Variants in TAPT1 observed in about 807,000 individuals in gnomAD.
TAPT1 encodes transmembrane anterior posterior transformation 1.
A neutral mutation model predicts 65.6 loss-of-function variants in TAPT1; 28 were observed. That is an observed-to-expected ratio of 0.43 (90% CI 0.32 to 0.59). The LOEUF is 0.59. Among genes scored for constraint, TAPT1 ranks in the 20% least tolerant of loss-of-function variants. TAPT1 has a pLI of 0.09. For synonymous variants in TAPT1, 278 were observed against 245.2 expected, an observed-to-expected ratio of 1.13 and a Z score of -1.25; for missense variants, 563 against 679.9, an observed-to-expected ratio of 0.83 and a Z score of 1.91.
chr4:16,175,096 G>T, intron 9 of TAPT1: 1 of 154,112 alleles, frequency 6.5e-6, no homozygotes, highest in Non-Finnish European at 1.4e-5. Context: ...ATTACTGTTT[G>T]TCTAACCATA....
chr4:16,226,066 A>C (rs1258703505), intron 1 of TAPT1, 193 bp downstream of exon 1: 4 of 1,014,030 alleles, frequency 3.9e-6, no homozygotes, highest in Non-Finnish European at 4.7e-6. Context: ...TGCGCGCGCA[A>C]CCCGCCCGAG....
chr4:16,161,918 AAC>A lies in TAPT1; in HGVS notation c.*1388_*1389del, dbSNP rs1747273093. 5 of 152,356 alleles carry A rather than the reference AAC, an allele frequency of 3.3e-5. No homozygotes were observed. The South Asian group carries it at 1.0e-3, about 32-fold the overall frequency. 9.4% of individuals were successfully genotyped at this position (152,356 alleles called of 1,614,324 possible). A position where few individuals can be genotyped will look rare whatever the true frequency, so the allele number is the denominator to read the frequency against. ...TCAAAATCAAAACATCAAAGGAAAT[AAC>A]AGTTAACAGTACCATCTTCTGGACA... On this transcript the variant is annotated 3_prime_UTR_variant, in exon 14 of 14. Transcript: ENST00000405303.
rs56086979 is a variant in TAPT1 at position 16,179,802 on chromosome 4, ATGTG to A, written c.917-149_917-146del. ...AATATACAACTTTATATATATATATATGTGTGTGTGTGTGTGTGTGTGTGTATAT... is the reference window on the plus strand; with the variant it reads ...AATATACAACTTTATATATATATATATGTGTGTGTGTGTGTGTGTGTATAT... On this transcript the variant is annotated intron_variant, in intron 7 of 13. Coordinates refer to ENST00000405303, the MANE Select transcript of TAPT1 (RefSeq NM_153365.3). The A allele has an allele frequency of 0.11, 32,541 of 308,268 alleles. 1,837 individuals carry two copies. The highest frequency in any genetic ancestry group is 0.2 in the African/African-American group (8,742 of 43,654). The allele number at this position is 308,268 out of a possible 1,614,324, so 19.1% of individuals were successfully genotyped here. A position where few individuals can be genotyped will look rare whatever the true frequency, so the allele number is the denominator to read the frequency against.
At chr4:16,192,956 T>C (rs1168221081) in intron 3 of TAPT1, among the ~76,000 whole-genome samples, 1 of 152,226 alleles carries the variant, frequency 6.6e-6, no homozygotes, top group Non-Finnish European at 1.5e-5. Context: ...AAGATCTTTG[T>C]GGAGTTTAAG....
intron 7 of TAPT1, 145 bp from the exon 8 acceptor site, chr4:16,179,802 A>ATATGTGTATATATATATATATATATG (rs966106865): frequency 1.1e-4 from 35 of 309,908 alleles, no homozygotes; most frequent in Admixed American, 3.1e-4. Context: ...ATATATATAT[A>ATATGTGTATATATATATATATATATG]TGTGTGTGTG....
intron 2 of TAPT1, among the ~76,000 whole-genome samples, chr4:16,207,189 C>G (rs1164742631): frequency 6.6e-6 from 1 of 152,190 alleles, no homozygotes; most frequent in Non-Finnish European, 1.5e-5. Flanking sequence ...AGGGATGATT[C>G]TCTGAACATG....
chr4:16,212,069 T>C (rs1247144726), intron 2 of TAPT1, among the ~76,000 whole-genome samples: 1 of 151,852 alleles, frequency 6.6e-6, no homozygotes, highest in Non-Finnish European at 1.5e-5. Context: ...AAATCAGGAG[T>C]GGATGTTGCC....
rs774730566 is a variant in TAPT1, at chr4:16,166,628, C to G, written c.1474+5G>C. The G allele has an allele frequency of 2.5e-6, 4 of 1,613,040 alleles. No homozygotes were observed. The African/African-American group carries it at 4.0e-5, about 16-fold the overall frequency. On this transcript the variant is annotated splice_donor_5th_base_variant and intron_variant, in intron 13 of 13. Transcript: ENST00000405303. ...CAGGGAAGTGAAGAAAGGGACCAAA[C>G]CTACCTTGAGAGGGTTTACATTTGT... is the stretch of plus-strand genomic sequence containing the variant.
Position 16,202,524 on chromosome 4 carries a change from C to G in TAPT1, c.387G>C (p.Leu129=), listed in dbSNP as rs199934066. Residue 129 remains leucine, a synonymous_variant, in exon 3 of 14, where the codon CTG becomes CTC. Coordinates refer to ENST00000405303, the MANE Select transcript of TAPT1 (RefSeq NM_153365.3). ...CLDAFLYVFT[L]LPLRVFLALF... ...GTGCCAGGAAAACTCTTAAAGGAAG[C>G]AGGGTGAACACATACAAAAACGCAT... 3.9e-5 allele frequency: 61 copies of G among 1,552,072 alleles called. No individual in the cohort carries two copies. In the Middle Eastern group the frequency reaches 8.4e-4, roughly 21 times the overall value.
chr4:16,215,759 T>C (rs1750904455), intron 1 of TAPT1, among the ~76,000 whole-genome samples: 1 of 152,242 alleles, frequency 6.6e-6, no homozygotes, highest in Non-Finnish European at 1.5e-5. Context: ...TTTAAAGGAC[T>C]TAGTCTAACC....
intron 7 of TAPT1, among the ~76,000 whole-genome samples, 190 bp from the exon 8 acceptor site, chr4:16,179,847 C>T (rs1380472705): frequency 6.8e-6 from 1 of 146,926 alleles, no homozygotes; most frequent in Non-Finnish European, 1.5e-5. Context: ...CTGGTGCTAC[C>T]ATGGTAAGCC....
At chr4:16,197,224 G>C (rs901147479) in intron 3 of TAPT1, among the ~76,000 whole-genome samples, 8 of 152,222 alleles carry the variant, frequency 5.3e-5, no homozygotes, top group African/African-American at 1.9e-4. Context: ...GAAGCCTCAT[G>C]TGAGAGTTAT....
intron 9 of TAPT1, chr4:16,175,090 CT>C (rs1386358915): frequency 1.2e-4 from 18 of 154,952 alleles, no homozygotes; most frequent in Non-Finnish European, 2.0e-4. Context: ...AAAAAAATTA[CT>C]GTTTGTCTAA....
At chr4:16,215,499 A>C (rs1247907268) in intron 1 of TAPT1, among the ~76,000 whole-genome samples, 1 of 152,156 alleles carries the variant, frequency 6.6e-6, no homozygotes, top group Non-Finnish European at 1.5e-5. Flanking sequence ...ACACACATAC[A>C]CATACACACT....
intron 2 of TAPT1, among the ~76,000 whole-genome samples, chr4:16,205,021 T>G (rs1750259232): frequency 6.6e-6 from 1 of 152,244 alleles, no homozygotes; most frequent in Non-Finnish European, 1.5e-5. Context: ...CATATTTATT[T>G]TGAACCTAAT....
At chr4:16,185,107 G>A (rs73234642) in intron 7 of TAPT1, among the ~76,000 whole-genome samples, 1 of 151,546 alleles carries the variant, frequency 6.6e-6, no homozygotes, top group Non-Finnish European at 1.5e-5. Context: ...TTATGTTTAG[G>A]GTTATGAACC....
Position 16,163,159 on chromosome 4 carries a change from ACTG to A in TAPT1, c.*146_*148del. Reference sequence around the variant, plus strand: ...GTCTGACCCTCAGCCAGGCCATATTACTGGAAGAAAGATACTAAGATTTGCTTG... The same window carrying A: ...GTCTGACCCTCAGCCAGGCCATATTAGAAGAAAGATACTAAGATTTGCTTG... On this transcript the variant is annotated 3_prime_UTR_variant, in exon 14 of 14. Transcript: ENST00000405303. 2 of 683,038 alleles carry A rather than the reference ACTG, an allele frequency of 2.9e-6. No homozygotes were observed. The highest frequency in any genetic ancestry group is 5.5e-5 in the East Asian group (2 of 36,224). 42.3% of individuals were successfully genotyped at this position (683,038 alleles called of 1,614,324 possible).
chr4:16,178,998 C>T (rs568888890), intron 8 of TAPT1: 1 of 152,510 alleles, frequency 6.6e-6, no homozygotes, highest in East Asian at 1.9e-4. Flanking sequence ...TGTACAGCTC[C>T]AGAGACACTG....
At chr4:16,220,338 C>T (rs995265647) in intron 1 of TAPT1, among the ~76,000 whole-genome samples, 1 of 152,154 alleles carries the variant, frequency 6.6e-6, no homozygotes, top group Non-Finnish European at 1.5e-5. Context: ...ATTTGTTATG[C>T]CAAACATCTA....
Sources: allele counts gnomAD v4.1 joint callset (sites outside exome capture counted in the v4.1 genomes callset), GRCh38; gene constraint gnomAD v4.1.1; transcripts MANE v1.5; gene names NCBI Gene and HGNC (gene_info 2026-07-23, HGNC 2026-07-21).